Variants in ADAMTS3 observed in about 807,000 individuals in gnomAD.
ADAMTS3 encodes the protein ADAM metallopeptidase with thrombospondin type 1 motif 3.
A neutral mutation model predicts 129.0 loss-of-function variants in ADAMTS3; 73 were observed. That is an observed-to-expected ratio of 0.57 (90% CI 0.47 to 0.69). The LOEUF (loss-of-function observed/expected upper bound fraction) is 0.69. Ranked by LOEUF, ADAMTS3 falls within the 30% of genes least tolerant of loss-of-function variation. The pLI is 0.00. For synonymous variants in ADAMTS3, 477 were observed against 510.8 expected (o/e 0.93, Z 0.89); for missense variants, 1,457 against 1,514.5 (o/e 0.96, Z 0.63).
chr4:72,489,514 G>A (rs1209898041), intron 3 of ADAMTS3, among the ~76,000 whole-genome samples: 4 of 151,794 alleles, frequency 2.6e-5, no homozygotes, highest in African/African-American at 7.3e-5. Context: ...CATCAACATC[G>A]TCTGCTCCTG....
rs746517621 is a variant in ADAMTS3, at chr4:72,309,502, C to T, written c.2074G>A (p.Glu692Lys). 13 of 1,611,648 alleles carry T rather than the reference C, an allele frequency of 8.1e-6. No individual in the cohort carries two copies. The part of the protein sequence containing the change: ...GECVKVGCDK[E>K]IGSNKVEDKC... Reference sequence around the variant, plus strand: ...TCCTCAACCTTATTAGAACCAATTTCTTTATCACAGCCCACTTTCTGGAGA... The same window carrying T: ...TCCTCAACCTTATTAGAACCAATTTTTTTATCACAGCCCACTTTCTGGAGA... The change falls in exon 15 of 22, where the codon GAA becomes AAA. Residue 692 changes from glutamate to lysine, a missense_variant. Physicochemically the swap from Glu to Lys is moderately conservative, Grantham distance 56. Transcript: ENST00000286657.
At chr4:72,422,808 A>G (rs1024112426) in intron 3 of ADAMTS3, among the ~76,000 whole-genome samples, 1 of 152,158 alleles carries the variant, frequency 6.6e-6, no homozygotes, top group African/African-American at 2.4e-5. Flanking sequence ...AAATGGGAAC[A>G]AGGGGTGTGG....
chr4:72,334,030 T>G (rs1719922536), intron 5 of ADAMTS3, among the ~76,000 whole-genome samples: 1 of 151,918 alleles, frequency 6.6e-6, no homozygotes, highest in Admixed American at 6.6e-5. Context: ...AATTTTTGTA[T>G]TTTTAGTAGA....
At chr4:72,399,729 T>TATAC (rs1225690901) in intron 4 of ADAMTS3, among the ~76,000 whole-genome samples, 1 of 149,678 alleles carries the variant, frequency 6.7e-6, no homozygotes, top group Non-Finnish European at 1.5e-5. Context: ...TATGTGTGTA[T>TATAC]ATACACACAC....
rs1722246192 is a variant in ADAMTS3, at chr4:72,414,075, T to C, written c.661+740A>G. On this transcript the variant is annotated intron_variant, in intron 4 of 21. Transcript: ENST00000286657. Reference sequence around the variant, plus strand: ...GTCATTTCCCTAAAAGAAAACTCTATTCTTCATTAAGAAAGTTGTCTTGGC... The same window carrying C: ...GTCATTTCCCTAAAAGAAAACTCTACTCTTCATTAAGAAAGTTGTCTTGGC... Among the ~76,000 whole-genome samples the C allele has an allele frequency of 6.6e-5, 10 of 151,954 alleles. 1 individual carries two copies. In the South Asian group the frequency reaches 2.1e-3, roughly 32 times the overall value.
intron 4 of ADAMTS3, among the ~76,000 whole-genome samples, chr4:72,382,580 C>A (rs1379087697): frequency 6.6e-6 from 1 of 152,138 alleles, no homozygotes; most frequent in Non-Finnish European, 1.5e-5. Context: ...GATACCTAAA[C>A]CTGTACGTTT....
At chr4:72,408,565 T>C (rs938570452) in intron 4 of ADAMTS3, among the ~76,000 whole-genome samples, 3 of 152,014 alleles carry the variant, frequency 2.0e-5, no homozygotes, top group Admixed American at 2.0e-4. Flanking sequence ...AAATTATCTT[T>C]TAAAAATATA....
rs772128886 is a variant in ADAMTS3, at chr4:72,303,917, C to CA, written c.2423dup (p.Leu808PhefsTer8). ...ACCATGAGCCCATAATGCCACATAC[C>CA]AAAACAATAACAGGATCATGTAAAG... On this transcript the variant is annotated frameshift_variant and splice_region_variant, in exon 17 of 22. Transcript: ENST00000286657. LOFTEE classifies it high-confidence loss of function. The CA allele has an allele frequency of 6.2e-7, 1 of 1,613,068 alleles. No individual in the cohort carries two copies.
At chr4:72,553,949 G>T (rs912217520) in intron 2 of ADAMTS3, among the ~76,000 whole-genome samples, 1 of 151,836 alleles carries the variant, frequency 6.6e-6, no homozygotes, top group African/African-American at 2.4e-5. Flanking sequence ...AGTCAAGAAG[G>T]GTATTTTTTA....
intron 3 of ADAMTS3, among the ~76,000 whole-genome samples, chr4:72,531,495 G>A (rs1178348137): frequency 6.6e-6 from 1 of 152,154 alleles, no homozygotes; most frequent in Non-Finnish European, 1.5e-5. Flanking sequence ...ATCAGATGAG[G>A]TCTCTAGGTT....
At chr4:72,301,334 G>T (rs372210815) in intron 17 of ADAMTS3, among the ~76,000 whole-genome samples, 50 of 152,080 alleles carry the variant, frequency 3.3e-4, no homozygotes, top group Non-Finnish European at 4.9e-4. Context: ...ACTACTAAAA[G>T]AATGAAAAGA....
rs112489817 is a variant in ADAMTS3, at chr4:72,286,700, G to A, written c.3049+2051C>T. 6.8e-3 allele frequency among the ~76,000 whole-genome samples: 1,029 copies of A among 152,214 alleles called. 9 individuals carry two copies. Among genetic ancestry groups the A allele is most frequent in the African/African-American group, 0.023 (969 of 41,542 alleles). The stretch of plus-strand genomic sequence containing the variant: ...AACAACGTCCACAGTTGTCACTGTC[G>A]TGGCTTTAGCAGAACTGCATTTAAG... On this transcript the variant is annotated intron_variant, in intron 21 of 21. Transcript: ENST00000286657.
At chr4:72,368,825 C>T (rs952386691) in intron 4 of ADAMTS3, among the ~76,000 whole-genome samples, 9 of 152,196 alleles carry the variant, frequency 5.9e-5, no homozygotes, top group African/African-American at 2.2e-4. Flanking sequence ...CTAAAGTGTA[C>T]TACATATGAT....
Position 72,451,461 on chromosome 4 carries a change from A to G in ADAMTS3, c.505-36490T>C, listed in dbSNP as rs182503637. 2.0e-3 allele frequency among the ~76,000 whole-genome samples: 305 copies of G among 151,954 alleles called. 1 individual carries two copies. Among genetic ancestry groups the G allele is most frequent in the African/African-American group, 6.9e-3 (287 of 41,532 alleles). ...TCAAAAGAAAATACATAAAATCTAC[A>G]TTTTAAAAGATAGGCATGGAAGCAC... On this transcript the variant is annotated intron_variant, in intron 3 of 21. Coordinates refer to ENST00000286657, the MANE Select transcript of ADAMTS3 (RefSeq NM_014243.3).
chr4:72,369,201 A>G (rs1720943497), intron 4 of ADAMTS3, among the ~76,000 whole-genome samples: 2 of 152,204 alleles, frequency 1.3e-5, no homozygotes, highest in Admixed American at 1.3e-4. Context: ...ATGAAAAGCA[A>G]TATCAATGTC....
chr4:72,473,770 C>A (rs1030229338), intron 3 of ADAMTS3, among the ~76,000 whole-genome samples: 2 of 152,102 alleles, frequency 1.3e-5, no homozygotes, highest in African/African-American at 2.4e-5. Context: ...TATGAAAAAC[C>A]AAGACTCCCA....
chr4:72,470,798 T>G (rs2109993649), intron 3 of ADAMTS3, among the ~76,000 whole-genome samples: 1 of 152,172 alleles, frequency 6.6e-6, no homozygotes, highest in Admixed American at 6.6e-5. Flanking sequence ...TCCTACACAC[T>G]TATGGTAATG....
chr4:72,309,357 A>G (rs1719168233), intron 15 of ADAMTS3, 40 bp downstream of exon 15: 1 of 1,601,410 alleles, frequency 6.2e-7, no homozygotes, highest in South Asian at 1.1e-5. Flanking sequence ...AGTACAAATC[A>G]CAGAGAAGAA....
At chr4:72,473,945 A>G (rs1384031863) in intron 3 of ADAMTS3, among the ~76,000 whole-genome samples, 1 of 152,188 alleles carries the variant, frequency 6.6e-6, no homozygotes, top group Non-Finnish European at 1.5e-5. Context: ...TGGAGAGCCA[A>G]AATTCCCACT....
Sources: gnomAD v4.1 joint callset for allele counts (sites outside exome capture counted in the v4.1 genomes callset) on GRCh38, gnomAD v4.1.1 for gene constraint, MANE v1.5 for transcripts, NCBI Gene and HGNC (gene_info 2026-07-23, HGNC 2026-07-21) for gene names.